Variants in PPP4R1 observed in about 807,000 individuals in gnomAD.
PPP4R1 encodes serine/threonine-protein phosphatase 4 regulatory subunit 1.
A neutral mutation model predicts 111.2 loss-of-function variants in PPP4R1; 42 were observed. The observed-to-expected ratio is 0.38, with a 90% confidence interval of 0.29 to 0.49. The LOEUF (loss-of-function observed/expected upper bound fraction) is 0.49, where lower values mean the gene tolerates loss of function less well. PPP4R1 is among the 20% of genes least tolerant of loss of function. The pLI is 0.97. For missense variants in PPP4R1, 1,012 were observed against 1,161.6 expected (o/e 0.87, Z 1.87); for synonymous variants, 409 against 405.5 (o/e 1.01, Z -0.10).
At chr18:9,547,992 A>G in intron 19 of PPP4R1, 40 bp from the exon 20 acceptor site, 1 of 1,598,424 alleles carries the variant, frequency 6.3e-7, no homozygotes, top group Non-Finnish European at 8.6e-7. Context: ...AAACCAGTCC[A>G]ACGGAACACT....
chr18:9,582,796 C>A (rs544210583), intron 9 of PPP4R1, among the ~76,000 whole-genome samples: 1 of 152,054 alleles, frequency 6.6e-6, no homozygotes, highest in Admixed American at 6.6e-5. Context: ...CTGAATCCAG[C>A]GACATATAAA....
Position 9,583,223 on chromosome 18 carries a change from G to A in PPP4R1, c.812C>T (p.Ala271Val), listed in dbSNP as rs573756990. The A allele has an allele frequency of 2.9e-4, 471 of 1,609,136 alleles. No homozygotes were observed. The highest frequency in any genetic ancestry group is 3.6e-4 in the Non-Finnish European group (427 of 1,176,470). The stretch of plus-strand genomic sequence containing the variant: ...AACCGCCATGAAGCATTCAGCACAA[G>A]CCTTTCGGACTCCCCATACATTATC... ...CSDNVWGVRK[A>V]CAECFMAVSC... The change falls in exon 9 of 20, where the codon GCT becomes GTT. Residue 271 changes from alanine to valine, a missense_variant. Ala to Val is a moderately conservative substitution (Grantham distance 64). This residue lies in a region of PPP4R1 where 707 missense variants were observed against 742.1 expected (regional missense o/e 0.95). Coordinates refer to ENST00000400556, the MANE Select transcript of PPP4R1 (RefSeq NM_001042388.3).
At chr18:9,588,343 G>A in intron 5 of PPP4R1, 108 bp from the exon 6 acceptor site, 1 of 1,094,010 alleles carries the variant, frequency 9.1e-7, no homozygotes, top group Non-Finnish European at 1.3e-6. Flanking sequence ...CCCATAACTG[G>A]CAAAACTCCG....
Position 9,547,550 on chromosome 18 carries a change from T to C in PPP4R1, c.*239A>G. On this transcript the variant is annotated 3_prime_UTR_variant, in exon 20 of 20. Transcript: ENST00000400556. ...AAGGATTTAAGGCTTCGGTGACAAT[T>C]ATAATCCTCTGAGAAATTATTTCCC... is the stretch of plus-strand genomic sequence containing the variant. 2 of 420,070 alleles carry C rather than the reference T, an allele frequency of 4.8e-6. No individual in the cohort carries two copies. The highest frequency in any genetic ancestry group is 8.6e-6 in the Non-Finnish European group (2 of 232,138). 26.0% of individuals were successfully genotyped at this position (420,070 alleles called of 1,614,324 possible).
rs10686779 is a variant in PPP4R1, at chr18:9,558,699, G to GCTTTT, written c.2028+719_2028+720insAAAAG. On this transcript the variant is annotated intron_variant, in intron 14 of 19. Transcript: ENST00000400556. ...CAGTACAAATTAGCCTAATCAGACTGTTTTTTTTTTTTTTTAAATAACTGA... is the reference window on the plus strand; with the variant it reads ...CAGTACAAATTAGCCTAATCAGACTGCTTTTTTTTTTTTTTTTTTTAAATAACTGA... 2.4e-4 allele frequency among the ~76,000 whole-genome samples: 35 copies of GCTTTT among 148,166 alleles called. 5 individuals carry two copies. Among genetic ancestry groups the GCTTTT allele is most frequent in the Non-Finnish European group, 2.2e-4 (15 of 67,294 alleles).
Position 9,581,537 on chromosome 18 carries a change from G to T in PPP4R1, c.918+1580C>A, listed in dbSNP as rs1020963271. 2.1e-5 allele frequency among the ~76,000 whole-genome samples: 3 copies of T among 143,708 alleles called. No homozygotes were observed. In the South Asian group the frequency reaches 7.1e-4, roughly 34 times the overall value. 94.3% of individuals were successfully genotyped at this position (143,708 alleles called of 152,430 possible). On this transcript the variant is annotated intron_variant, in intron 9 of 19. Coordinates refer to ENST00000400556, the MANE Select transcript of PPP4R1 (RefSeq NM_001042388.3). ...ATTATGCAAGCCAAAGAATAGAGAG[G>T]GGGAAAAAATTGAGGAAAAATGAAA...
intron 2 of PPP4R1, among the ~76,000 whole-genome samples, chr18:9,598,557 A>G (rs556394880): frequency 6.6e-6 from 1 of 150,706 alleles, no homozygotes; most frequent in Non-Finnish European, 1.5e-5. Flanking sequence ...CTAAGAAACA[A>G]GACATCTTTC....
At chr18:9,552,675 A>C (rs1430587948) in intron 16 of PPP4R1, among the ~76,000 whole-genome samples, 2 of 152,186 alleles carry the variant, frequency 1.3e-5, no homozygotes, top group African/African-American at 4.8e-5. Context: ...AAGAACTGAA[A>C]ACAGATTTCA....
At chr18:9,583,028 A>G (rs1198765305) in intron 9 of PPP4R1, 89 bp downstream of exon 9, 6 of 1,141,966 alleles carry the variant, frequency 5.3e-6, no homozygotes, top group Admixed American at 5.8e-5. Context: ...ATCTTAAATT[A>G]TAAGTTATTT....
chr18:9,588,007 G>A (rs573910797), intron 6 of PPP4R1, 82 bp downstream of exon 6: 76 of 1,524,386 alleles, frequency 5.0e-5, no homozygotes, highest in Non-Finnish European at 6.1e-5. Context: ...ATGAGCCACC[G>A]TGCCTAACCC....
At chr18:9,583,448 A>ACTCCACCTC (rs535347506) in intron 8 of PPP4R1, among the ~76,000 whole-genome samples, 173 bp from the exon 9 acceptor site, 205 of 151,786 alleles carry the variant, frequency 1.4e-3, no homozygotes, top group African/African-American at 4.8e-3. Context: ...CTCACTGCAA[A>ACTCCACCTC]CTCCACCTCC....
chr18:9,577,730 G>T (rs2066960648), intron 9 of PPP4R1, among the ~76,000 whole-genome samples: 1 of 151,724 alleles, frequency 6.6e-6, no homozygotes, highest in Non-Finnish European at 1.5e-5. Context: ...ATCCTCTCTT[G>T]AATGTTTGAA....
In PPP4R1 at chr18:9,595,142, C is replaced by T. The variant is rs781218585; in HGVS notation, c.64G>A (p.Asp22Asn). The change falls in exon 3 of 20, where the codon GAC becomes AAC. Residue 22 changes from aspartate (D) to asparagine (N), a missense_variant. Around this residue, in one of 2 missense-constraint regions of PPP4R1, gnomAD observed 707 missense variants for 742.1 expected, o/e 0.95. Coordinates refer to ENST00000400556, the MANE Select transcript of PPP4R1 (RefSeq NM_001042388.3). ...ATCACATCAGACTCTGAGCTGTAGT[C>T]ATCCACACCAACTATCAGAGACATC... ...QEDADGFGVD[D>N]YSSESDVIII... The T allele has an allele frequency of 6.2e-7, 1 of 1,613,702 alleles. No homozygotes were observed. Among genetic ancestry groups the T allele is most frequent in the South Asian group, 1.1e-5 (1 of 91,044 alleles).
chr18:9,568,872 T>C (rs1195209098), intron 11 of PPP4R1, among the ~76,000 whole-genome samples: 2 of 152,058 alleles, frequency 1.3e-5, no homozygotes, highest in Non-Finnish European at 2.9e-5. Flanking sequence ...CTGTCTCTAC[T>C]AAAAATACAA....
intron 2 of PPP4R1, among the ~76,000 whole-genome samples, chr18:9,601,121 C>A (rs932739511): frequency 2.0e-5 from 3 of 151,766 alleles, no homozygotes; most frequent in Non-Finnish European, 4.4e-5. Flanking sequence ...AACCATACAT[C>A]ACCTTTTAAT....
chr18:9,588,020 G>A (rs1177702341), intron 6 of PPP4R1, 69 bp downstream of exon 6: 12 of 1,579,954 alleles, frequency 7.6e-6, no homozygotes, highest in Non-Finnish European at 9.5e-6. Flanking sequence ...CCTAACCCCG[G>A]CCTGACTTTT....
chr18:9,567,210 T>C (rs925728776), intron 11 of PPP4R1, among the ~76,000 whole-genome samples: 2 of 152,142 alleles, frequency 1.3e-5, no homozygotes, highest in African/African-American at 2.4e-5. Flanking sequence ...AAGAAGGTAA[T>C]TTCAACCCTC....
chr18:9,582,308 G>C (rs1280235344), intron 9 of PPP4R1, among the ~76,000 whole-genome samples: 2 of 141,514 alleles, frequency 1.4e-5, no homozygotes, highest in East Asian at 3.9e-4. Context: ...AAGAAACAGA[G>C]ACAAGACTCA....
rs554531344 is a variant in PPP4R1, at chr18:9,562,870, T to C, written c.1746+508A>G. On this transcript the variant is annotated intron_variant, in intron 12 of 19. Transcript: ENST00000400556. ...GCAGCAGGAAATTAGGGAAGGATCA[T>C]AGAGAACAGCTACAAGTACACAGTG... 9.7e-5 allele frequency: 96 copies of C among 985,964 alleles called. No homozygotes were observed. The African/African-American group carries it at 1.4e-3, about 15-fold the overall frequency. The allele number at this position is 985,964 out of a possible 1,614,324, so 61.1% of individuals were successfully genotyped here. A position where few individuals can be genotyped will look rare whatever the true frequency, so the allele number is the denominator to read the frequency against.
Sources: allele counts gnomAD v4.1 joint callset (sites outside exome capture counted in the v4.1 genomes callset), GRCh38; gene constraint gnomAD v4.1.1; regional missense constraint gnomAD v4.1.1; transcripts MANE v1.5; gene names NCBI Gene and HGNC (gene_info 2026-07-23, HGNC 2026-07-21).